The following NT5DC2 variants were observed in gnomAD, a reference collection of about 807,000 sequenced individuals.
The protein encoded by NT5DC2 is 5'-nucleotidase domain-containing protein 2.
In NT5DC2, 41 loss-of-function variants were observed where a neutral mutation model predicts 70.0. That is an observed-to-expected ratio of 0.59 (90% confidence interval 0.46 to 0.76). NT5DC2 has a LOEUF of 0.76. Ranked by LOEUF, NT5DC2 falls within the 30% of genes least tolerant of loss-of-function variation. The pLI is 0.00. For missense variants in NT5DC2, 705 were observed against 783.2 expected (o/e 0.90, Z 1.19); for synonymous variants, 299 against 310.4 (o/e 0.96, Z 0.39).
chr3:52,534,720 G>T (rs2079406310), upstream of NT5DC2: 27 of 1,547,744 alleles, frequency 1.7e-5, no homozygotes, highest in Non-Finnish European at 2.4e-5. Context: ...TCCGGAGGAG[G>T]CCGACCCAGT....
At chr3:52,525,164 G>T (rs1241456879) in intron 11 of NT5DC2, 45 bp downstream of exon 11, 8 of 883,258 alleles carry the variant, frequency 9.1e-6, no homozygotes, top group Non-Finnish European at 9.4e-6. Context: ...GGGGGGGGGG[G>T]TTTCCTGGCC....
rs1237852595 is a variant in NT5DC2, at chr3:52,531,194, G to GA, written c.233-1861dup. ...AGCCAAGTTCAGGGTGTGGGTGGGG[G>GA]ATCAGGTGTGGCTGGTTCCCCAGGC... On this transcript the variant is annotated intron_variant, in intron 1 of 13. Transcript: ENST00000422318. The surrounding 1 kb of genome is among the most constrained non-coding windows in gnomAD (Gnocchi z 4.1). Among the ~76,000 whole-genome samples the GA allele has an allele frequency of 3.9e-5, 6 of 152,240 alleles. No individual in the cohort carries two copies. Among genetic ancestry groups the GA allele is most frequent in the Non-Finnish European group, 5.9e-5 (4 of 68,040 alleles).
At chr3:52,533,362 C>T in intron 1 of NT5DC2, 144 bp downstream of exon 1, 1 of 872,652 alleles carries the variant, frequency 1.1e-6, no homozygotes, top group Non-Finnish European at 1.6e-6. Context: ...GAGCTTCTCG[C>T]GAAAAGCCGC....
chr3:52,534,674 T>G (rs1193293302), upstream of NT5DC2: 1 of 1,597,958 alleles, frequency 6.3e-7, no homozygotes, highest in South Asian at 1.1e-5. Context: ...CAGATCCGTA[T>G]TCCGAGCCCG....
intron 1 of NT5DC2, chr3:52,532,149 C>T: frequency 1.0e-6 from 1 of 983,808 alleles, no homozygotes; most frequent in Non-Finnish European, 1.2e-6. Context: ...AAGCTGGCTC[C>T]TGCTGGTGCT....
chr3:52,524,585 A>G lies in NT5DC2; in HGVS notation c.1559T>C (p.Phe520Ser), dbSNP rs1267607212. 6.2e-7 allele frequency: 1 copy of G among 1,613,080 alleles called. No homozygotes were observed. The highest frequency in any genetic ancestry group is 1.3e-5 in the African/African-American group (1 of 74,938). The change falls in exon 14 of 14, where the codon TTC becomes TCC. Residue 520 changes from phenylalanine to serine, a missense_variant. Physicochemically the swap from Phe to Ser is radical, Grantham distance 155. Coordinates refer to ENST00000422318, the MANE Select transcript of NT5DC2 (RefSeq NM_001134231.2). ...LSCLLNYRVD[F>S]TFYPRRTPLQ... ...CGGCGTACGGCGTGGGTAGAAGGTG[A>G]AGTCCACGCGGTAGTTGAGCAGGCA...
At chr3:52,534,979 C>T (rs1177444026), upstream of NT5DC2, 1 of 314,054 alleles carries the variant, frequency 3.2e-6, no homozygotes, top group East Asian at 8.6e-5. Flanking sequence ...TGAACCTCCT[C>T]CAGGCGAGGG....
intron 10 of NT5DC2, 59 bp downstream of exon 10, chr3:52,527,235 G>A (rs2079289381): frequency 1.3e-6 from 2 of 1,496,860 alleles, no homozygotes; most frequent in Non-Finnish European, 1.9e-6. Context: ...TGCACAGCCT[G>A]GGGCCCTAGC....
chr3:52,532,980 C>T (rs910240074), intron 1 of NT5DC2, among the ~76,000 whole-genome samples: 2 of 152,160 alleles, frequency 1.3e-5, no homozygotes, highest in African/African-American at 4.8e-5. Flanking sequence ...GGTGACTTGG[C>T]TTCTCCCAGC....
chr3:52,533,627 C>A lies in NT5DC2; in HGVS notation c.111G>T (p.Pro37=). ...SSPSCPGCGP[P]GPGAHCPGVP... is the part of the protein sequence containing the mutation. ...CGCCGGGGCAGTGGGCGCCGGGACC[C>A]GGGGGGCCGCACCCAGGGCAGGAGG... The change falls in exon 1 of 14, where the codon CCG becomes CCT. Residue 37 remains proline (P), a synonymous_variant. Coordinates refer to ENST00000422318, the MANE Select transcript of NT5DC2 (RefSeq NM_001134231.2). 3 of 1,220,568 alleles carry A rather than the reference C, an allele frequency of 2.5e-6. No homozygotes were observed. The highest frequency in any genetic ancestry group is 3.1e-6 in the Non-Finnish European group (3 of 980,938). 75.6% of individuals were successfully genotyped at this position (1,220,568 alleles called of 1,614,324 possible).
Position 52,528,493 on chromosome 3 carries a change from C to A in NT5DC2, c.595G>T (p.Gly199Cys). The change falls in exon 5 of 14, where the codon GGT becomes TGT. Residue 199 changes from glycine (G) to cysteine (C), a missense_variant. Transcript: ENST00000422318. ...TGGTATAGTGGGATGTGCTGGGTAC[C>A]CCCATACAGCTCAATCACCTCCTCG... ...PDEEVIELYG[G>C]TQHIPLYQMS... 1.2e-6 allele frequency: 2 copies of A among 1,613,656 alleles called. No homozygotes were observed. The highest frequency in any genetic ancestry group is 2.7e-5 in the African/African-American group (2 of 74,988).
In NT5DC2 at chr3:52,528,248, C is replaced by T; in HGVS notation, c.706G>A (p.Val236Met). The change falls in exon 6 of 14, where the codon GTG becomes ATG. Residue 236 changes from valine (V) to methionine (M), a missense_variant. Coordinates refer to ENST00000422318, the MANE Select transcript of NT5DC2 (RefSeq NM_001134231.2). ...SLPEMALLSCVVDYFLGHSLE... is the reference protein window; with the variant it reads ...SLPEMALLSCMVDYFLGHSLE... Reference sequence around the variant, plus strand: ...CTGTGGCCCAGAAAGTAGTCCACCACACAGGACAGCAGAGCCATCTCCGGT... The same window carrying T: ...CTGTGGCCCAGAAAGTAGTCCACCATACAGGACAGCAGAGCCATCTCCGGT... 3 of 1,613,476 alleles carry T rather than the reference C, an allele frequency of 1.9e-6. No homozygotes were observed. Among genetic ancestry groups the T allele is most frequent in the Non-Finnish European group, 2.5e-6 (3 of 1,180,038 alleles).
rs1444297975 is a variant in NT5DC2 at position 52,524,417 on chromosome 3, G to A, written c.*53C>T. On this transcript the variant is annotated 3_prime_UTR_variant, in exon 14 of 14. Transcript: ENST00000422318. Reference sequence around the variant, plus strand: ...AGGAGACCACTTTTATTGCTTGTCTGGGTGGATGGGGCAGGAGGGGCTGAG... The same window carrying A: ...AGGAGACCACTTTTATTGCTTGTCTAGGTGGATGGGGCAGGAGGGGCTGAG... 3.7e-6 allele frequency: 6 copies of A among 1,612,146 alleles called. No individual in the cohort carries two copies. In the South Asian group the frequency reaches 6.6e-5, roughly 18 times the overall value.
At position 52,527,723 on chromosome 3, in the gene NT5DC2, G is replaced by A. The variant is rs1575387433; in HGVS notation, c.936-5C>T. 20 of 1,613,316 alleles carry A rather than the reference G, an allele frequency of 1.2e-5. No homozygotes were observed. The highest frequency in any genetic ancestry group is 6.7e-5 in the African/African-American group (5 of 75,064). On this transcript the variant is annotated splice_region_variant and splice_polypyrimidine_tract_variant and intron_variant, in intron 8 of 13. Transcript: ENST00000422318. ...ATGTGCCGCATCCCCTTGTCTCTGT[G>A]TGGAGGAGTTTCAGGTGGCAAGTAG...
chr3:52,534,256 C>T, upstream of NT5DC2: 2 of 546,118 alleles, frequency 3.7e-6, no homozygotes, highest in Non-Finnish European at 6.6e-6. Flanking sequence ...GCTCCTCCCC[C>T]TAGTCCTGGT....
In NT5DC2 at chr3:52,525,315, G is replaced by A; in HGVS notation, c.1120-20C>T. The A allele has an allele frequency of 6.3e-7, 1 of 1,596,436 alleles. No homozygotes were observed. The highest frequency in any genetic ancestry group is 8.6e-7 in the Non-Finnish European group (1 of 1,166,574). The stretch of plus-strand genomic sequence containing the variant: ...GTTTCCCTAGGGAGAGGAGGGGAAT[G>A]CTGCTGAGCCAAGTGTGCCTTGTCC... On this transcript the variant is annotated intron_variant, in intron 10 of 13. Coordinates refer to ENST00000422318, the MANE Select transcript of NT5DC2 (RefSeq NM_001134231.2).
chr3:52,532,141 G>A, intron 1 of NT5DC2: 1 of 980,454 alleles, frequency 1.0e-6, no homozygotes, highest in Non-Finnish European at 1.2e-6. Flanking sequence ...GAGGTGTGAA[G>A]CTGGCTCCTG....
intron 11 of NT5DC2, 24 bp downstream of exon 11, chr3:52,525,185 G>T: frequency 1.2e-6 from 2 of 1,601,480 alleles, no homozygotes; most frequent in Non-Finnish European, 8.5e-7. Context: ...CTCCCCCACT[G>T]CAGCCCAGCC....
chr3:52,527,485 C>G (rs745680794), intron 9 of NT5DC2, 110 bp from the exon 10 acceptor site: 878 of 1,458,874 alleles, frequency 6.0e-4, no homozygotes, highest in Non-Finnish European at 7.8e-4. Flanking sequence ...CCCATGCCAG[C>G]AAGGGGGTGT....
Sources: allele counts gnomAD v4.1 joint callset (sites outside exome capture counted in the v4.1 genomes callset), GRCh38; gene constraint gnomAD v4.1.1; non-coding constraint Gnocchi (gnomAD v3.1); transcripts MANE v1.5; gene names NCBI Gene and HGNC (gene_info 2026-07-23, HGNC 2026-07-21).